Variants in CHD7 observed in about 807,000 individuals in gnomAD.
CHD7 encodes chromodomain helicase DNA binding protein 7.
A neutral mutation model predicts 307.3 loss-of-function variants in CHD7; 24 were observed. The ratio of observed to expected loss-of-function variants is 0.08; its 90% CI spans 0.06 to 0.11. CHD7 has a LOEUF of 0.11. CHD7 is among the 10% of genes least tolerant of loss of function. CHD7 has a pLI of 1.00. For missense variants in CHD7, 3,106 were observed against 3,727.1 expected (o/e 0.83, Z 4.34); for synonymous variants, 1,363 against 1,349.9 (o/e 1.01, Z -0.21).
At chr8:60,849,001 C>T (rs1376161904) in intron 24 of CHD7, 50 bp from the exon 25 acceptor site, 1 of 1,393,820 alleles carries the variant, frequency 7.2e-7, no homozygotes, top group African/African-American at 1.4e-5. Flanking sequence ...ACATTCATTA[C>T]TTGGAATTCT....
chr8:60,771,521 C>T, intron 2 of CHD7, among the ~76,000 whole-genome samples: 1 of 152,200 alleles, frequency 6.6e-6, no homozygotes, highest in Non-Finnish European at 1.5e-5. Context: ...GATACTCACT[C>T]TGTACCACAA....
intron 2 of CHD7, among the ~76,000 whole-genome samples, chr8:60,760,593 A>G (rs1810138221): frequency 2.0e-5 from 3 of 148,574 alleles, no homozygotes; most frequent in African/African-American, 7.5e-5. Flanking sequence ...CAACCTACTC[A>G]TCTGACAAAG....
chr8:60,835,447 A>G (rs1804699507), intron 15 of CHD7, among the ~76,000 whole-genome samples: 1 of 152,242 alleles, frequency 6.6e-6, no homozygotes, highest in Non-Finnish European at 1.5e-5. Flanking sequence ...ATCTTAGGAA[A>G]AATTACCAGA....
At chr8:60,689,935 A>G (rs534407283) in intron 1 of CHD7, among the ~76,000 whole-genome samples, 32 of 152,344 alleles carry the variant, frequency 2.1e-4, no homozygotes, top group African/African-American at 7.5e-4. Context: ...CTCGCTGCAC[A>G]GGACTAGAGT....
At position 60,852,518 on chromosome 8, in the gene CHD7, C is replaced by G. The variant is rs1013310877; in HGVS notation, c.5915C>G (p.Ala1972Gly). ...KRQKWTRREE[A>G]DFYRVVSTFG... ...AACAGGTGGACAAGAAGAGAAGAGGCTGATTTTTACCGTGTGGTATCCACC... is the reference window on the plus strand; with the variant it reads ...AACAGGTGGACAAGAAGAGAAGAGGGTGATTTTTACCGTGTGGTATCCACC... Residue 1972 changes from alanine to glycine, a missense_variant, in exon 30 of 38, where the codon GCT becomes GGT. Physicochemically the swap from Ala to Gly is moderately conservative, Grantham distance 60 (BLOSUM62 0). Transcript: ENST00000423902. 15 of 1,613,614 alleles carry G rather than the reference C, an allele frequency of 9.3e-6. No individual in the cohort carries two copies. Among genetic ancestry groups the G allele is most frequent in the Non-Finnish European group, 1.2e-5 (14 of 1,179,740 alleles).
intron 16 of CHD7, 42 bp downstream of exon 16, chr8:60,836,325 A>C: frequency 6.4e-7 from 1 of 1,561,056 alleles, no homozygotes; most frequent in Non-Finnish European, 8.7e-7. Context: ...GAAATCTAAA[A>C]TTACCTTCCC....
chr8:60,680,707 C>T (rs557380879), intron 1 of CHD7, among the ~76,000 whole-genome samples: 12 of 152,244 alleles, frequency 7.9e-5, no homozygotes, highest in East Asian at 7.7e-4. Context: ...TAGTTTTTTT[C>T]CCCCTCTTCT....
In CHD7 at chr8:60,830,380, T is replaced by C. The variant is rs1300228709; in HGVS notation, c.3581T>C (p.Val1194Ala). The change falls in exon 15 of 38, where the codon GTA becomes GCA. Residue 1194 changes from valine to alanine, a missense_variant. By Grantham distance (64) the Val-to-Ala change is moderately conservative. This residue lies in a region of CHD7 where 232 missense variants were observed against 422.5 expected (regional missense o/e 0.55). Coordinates refer to ENST00000423902, the MANE Select transcript of CHD7 (RefSeq NM_017780.4). Reference sequence around the variant, plus strand: ...ATGTTGAGACGTCTCAAAGAGGATGTAGAAAAGAACTTGGCCCCCAAAGAA... The same window carrying C: ...ATGTTGAGACGTCTCAAAGAGGATGCAGAAAAGAACTTGGCCCCCAAAGAA... ...PMMLRRLKEDVEKNLAPKEET... is the reference protein window; with the variant it reads ...PMMLRRLKEDAEKNLAPKEET... The C allele has an allele frequency of 1.2e-6, 2 of 1,613,978 alleles. No homozygotes were observed. Among genetic ancestry groups the C allele is most frequent in the East Asian group, 2.2e-5 (1 of 44,888 alleles).
chr8:60,718,638 TC>T (rs1807738284), intron 1 of CHD7, among the ~76,000 whole-genome samples: 2 of 152,272 alleles, frequency 1.3e-5, no homozygotes, highest in African/African-American at 4.8e-5. Flanking sequence ...AAGGTTAAAG[TC>T]TATAAAATAA....
At chr8:60,701,796 G>A (rs1182804755) in intron 1 of CHD7, among the ~76,000 whole-genome samples, 1 of 152,206 alleles carries the variant, frequency 6.6e-6, no homozygotes, top group African/African-American at 2.4e-5. Context: ...ATCTTGAAAA[G>A]TTTATCCTGC....
At chr8:60,679,318 G>T (rs1445954180) in intron 1 of CHD7, among the ~76,000 whole-genome samples, 1 of 146,440 alleles carries the variant, frequency 6.8e-6, no homozygotes, top group Non-Finnish European at 1.5e-5. Flanking sequence ...CCCGCGCCCC[G>T]AGCGCCGCCC....
In CHD7 at chr8:60,847,184, C is replaced by T. The variant is rs149661256; in HGVS notation, c.5211-1331C>T. On this transcript the variant is annotated intron_variant, in intron 23 of 37. Coordinates refer to ENST00000423902, the MANE Select transcript of CHD7 (RefSeq NM_017780.4). ...TGGCCTATCCAGAACCCATGCTGGCCGTGAGTAGGCTCGTGGTTGGGGGAG... is the reference window on the plus strand; with the variant it reads ...TGGCCTATCCAGAACCCATGCTGGCTGTGAGTAGGCTCGTGGTTGGGGGAG... Among the ~76,000 whole-genome samples the T allele has an allele frequency of 2.7e-4, 41 of 152,296 alleles. No individual in the cohort carries two copies. In the East Asian group the frequency reaches 4.1e-3, roughly 15 times the overall value.
intron 1 of CHD7, among the ~76,000 whole-genome samples, chr8:60,738,271 C>CT (rs1808806240): frequency 2.0e-5 from 3 of 152,086 alleles, no homozygotes; most frequent in African/African-American, 7.2e-5. Context: ...CTAGCTTATT[C>CT]ATTTTTTTAT....
At chr8:60,738,092 A>G (rs752744817) in intron 1 of CHD7, among the ~76,000 whole-genome samples, 2 of 152,190 alleles carry the variant, frequency 1.3e-5, no homozygotes, top group Non-Finnish European at 2.9e-5. Context: ...TTTCATTGCT[A>G]ATTTGTTATT....
At position 60,781,037 on chromosome 8, in the gene CHD7, C is replaced by A; in HGVS notation, c.1703C>A (p.Pro568Gln). 1 of 1,589,986 alleles carries A rather than the reference C, an allele frequency of 6.3e-7. No homozygotes were observed. The highest frequency in any genetic ancestry group is 1.2e-5 in the South Asian group (1 of 85,904). The change falls in exon 3 of 38, where the codon CCG becomes CAG. Residue 568 changes from proline to glutamine, a missense_variant. By Grantham distance (76) the Pro-to-Gln change is moderately conservative (BLOSUM62 -1). Transcript: ENST00000423902. Reference protein sequence around the residue: ...PSEPFLEKPVPDMTQVSGPNA... With the variant: ...PSEPFLEKPVQDMTQVSGPNA... ...GAGCCCTTTCTAGAGAAACCAGTGCCGGATATGACTCAGGTTAGTGGACCG... is the reference window on the plus strand; with the variant it reads ...GAGCCCTTTCTAGAGAAACCAGTGCAGGATATGACTCAGGTTAGTGGACCG...
chr8:60,750,640 T>C (rs1383924692), intron 2 of CHD7, among the ~76,000 whole-genome samples: 3 of 152,320 alleles, frequency 2.0e-5, no homozygotes, highest in South Asian at 2.1e-4. Context: ...GTAGTCAGTA[T>C]AAAAAATTGC....
rs376056567 is a variant in CHD7 at position 60,853,198 on chromosome 8, C to T, written c.6473C>T (p.Ser2158Leu). 6 of 1,613,770 alleles carry T rather than the reference C, an allele frequency of 3.7e-6. 1 individual carries two copies. In the African/African-American group the frequency reaches 8.0e-5, roughly 22 times the overall value. ...VGFVQTPPVI[S>L]SAHIQDERVL... ...TTTGTCCAGACTCCTCCAGTCATCT[C>T]ATCTGCTCATATTCAAGATGAGAGG... is the stretch of plus-strand genomic sequence containing the variant. The change falls in exon 31 of 38, where the codon TCA becomes TTA. Residue 2158 changes from serine to leucine, a missense_variant. By Grantham distance (145) the Ser-to-Leu change is moderately radical (BLOSUM62 -2). Coordinates refer to ENST00000423902, the MANE Select transcript of CHD7 (RefSeq NM_017780.4).
intron 3 of CHD7, among the ~76,000 whole-genome samples, chr8:60,782,796 G>A: frequency 6.6e-6 from 1 of 152,054 alleles, no homozygotes. Context: ...TAAGAGTTAG[G>A]GATGTAAGGA....
In CHD7 at chr8:60,821,627, T is replaced by TATGTATATGTATAAACATATATATACAC. The variant is rs1563630049; in HGVS notation, c.2698-160_2698-133dup. Among the ~76,000 whole-genome samples the TATGTATATGTATAAACATATATATACAC allele has an allele frequency of 2.0e-5, 3 of 149,542 alleles. No individual in the cohort carries two copies. In the East Asian group the frequency reaches 5.8e-4, roughly 29 times the overall value. On this transcript the variant is annotated intron_variant, in intron 9 of 37. Coordinates refer to ENST00000423902, the MANE Select transcript of CHD7 (RefSeq NM_017780.4). ...ACATATGTATAAACATATATATACA[T>TATGTATATGTATAAACATATATATACAC]ATGTATATGTATAAACATATATATA...
Sources: gnomAD v4.1 joint callset for allele counts (sites outside exome capture counted in the v4.1 genomes callset) on GRCh38, gnomAD v4.1.1 for gene constraint, gnomAD v4.1.1 regional missense constraint, MANE v1.5 for transcripts, NCBI Gene and HGNC (gene_info 2026-07-23, HGNC 2026-07-21) for gene names.